CTBP1: variants seen among roughly 807,000 people sequenced by gnomAD.
CTBP1 encodes the protein C-terminal-binding protein 1.
Under a neutral mutation model 42.1 loss-of-function variants are expected in CTBP1, and 11 were observed. The ratio of observed to expected loss-of-function variants is 0.26; its 90% CI spans 0.16 to 0.43. The LOEUF is 0.43. CTBP1 is among the 20% of genes least tolerant of loss of function. The pLI is 1.00. For synonymous variants in CTBP1, 324 were observed against 277.1 expected (o/e 1.17, Z -1.68); for missense variants, 399 against 624.3 (o/e 0.64, Z 3.85).
At chr4:1,228,817 G>GA (rs1560256731) in intron 3 of CTBP1, among the ~76,000 whole-genome samples, 1 of 152,192 alleles carries the variant, frequency 6.6e-6, no homozygotes, top group Non-Finnish European at 1.5e-5. Context: ...GATGCAGGTA[G>GA]AAAGTGGTAA....
rs909530189 is a variant in CTBP1 at position 1,213,410 on chromosome 4, G to A, written c.988+68C>T. On this transcript the variant is annotated intron_variant, in intron 8 of 9. Coordinates refer to ENST00000382952, the MANE Select transcript of CTBP1 (RefSeq NM_001012614.2). ...ATGGGCCTGGCTGCCAGGCGGATGC[G>A]AGCCCATGAGCATCTGGGGCTGGCA... 5.2e-5 allele frequency: 82 copies of A among 1,591,868 alleles called. No homozygotes were observed. In the East Asian group the frequency reaches 1.5e-3, roughly 29 times the overall value.
chr4:1,238,325 G>T lies in CTBP1; in HGVS notation c.20C>A (p.Pro7Gln), dbSNP rs1731790714. The T allele has an allele frequency of 1.9e-6, 3 of 1,573,588 alleles. No homozygotes were observed. The highest frequency in any genetic ancestry group is 1.4e-5 in the African/African-American group (1 of 73,988). MSGVRP[P>Q]IMNGPLHPRP... is the part of the protein sequence containing the mutation. The stretch of plus-strand genomic sequence containing the variant: ...CGGGTGCAGGGGCCCGTTCATGATC[G>T]GAGGTCGGACGCCTGCAAGACAGAG... Residue 7 changes from proline to glutamine, a missense_variant, in exon 3 of 10, where the codon CCG (proline) becomes CAG (glutamine). Physicochemically the swap from Pro to Gln is moderately conservative, Grantham distance 76. Around this residue, in one of 4 missense-constraint regions of CTBP1, gnomAD observed 17 missense variants for 18.7 expected, o/e 0.91. Coordinates refer to ENST00000382952, the MANE Select transcript of CTBP1 (RefSeq NM_001012614.2). This position sits in a 1 kb window ranked among gnomAD's most constrained non-coding sequence, Gnocchi z 5.9.
At chr4:1,216,525 G>T (rs890180578) in intron 5 of CTBP1, 13 of 506,114 alleles carry the variant, frequency 2.6e-5, no homozygotes, top group Non-Finnish European at 4.3e-5. Context: ...GTGTCAAACG[G>T]ACTGGTCAGT....
chr4:1,248,764 C>A, intron 1 of CTBP1, 152 bp downstream of exon 1: 2 of 974,828 alleles, frequency 2.1e-6, no homozygotes, highest in Non-Finnish European at 1.2e-6. Context: ...CGACCGCGGC[C>A]ACGCGCGGAC....
At chr4:1,239,013 T>C (rs1731874741) in intron 2 of CTBP1, among the ~76,000 whole-genome samples, 1 of 152,178 alleles carries the variant, frequency 6.6e-6, no homozygotes, top group East Asian at 1.9e-4. Flanking sequence ...CCCAACCCTC[T>C]GCCTGGCATT....
chr4:1,244,323 A>G, intron 1 of CTBP1: 1 of 978,958 alleles, frequency 1.0e-6, no homozygotes, highest in Non-Finnish European at 1.2e-6. Flanking sequence ...ACCTGCCCCG[A>G]TCCAGACAGC....
chr4:1,218,967 G>A (rs1729446341), intron 5 of CTBP1, among the ~76,000 whole-genome samples: 1 of 152,048 alleles, frequency 6.6e-6, no homozygotes, highest in Non-Finnish European at 1.5e-5. Context: ...CACTCAAGAG[G>A]CAAAGACTGT....
intron 1 of CTBP1, chr4:1,244,442 C>T (rs112869746): frequency 0.014 from 13,418 of 985,158 alleles, 98 homozygotes; most frequent in Non-Finnish European, 0.015. Context: ...AGCCTCAGCA[C>T]CTGGTCCTCA....
intron 1 of CTBP1, 186 bp downstream of exon 1, chr4:1,248,730 A>G (rs963744534): frequency 3.0e-4 from 295 of 979,862 alleles, no homozygotes; most frequent in Non-Finnish European, 3.5e-4. Flanking sequence ...CGCATGCGCA[A>G]GACCCTTCCC....
chr4:1,221,592 T>G (rs1482311108), intron 5 of CTBP1: 1 of 202,108 alleles, frequency 4.9e-6, no homozygotes, highest in Non-Finnish European at 1.0e-5. Flanking sequence ...AAAACACAGG[T>G]GAGACCCAGA....
chr4:1,245,030 C>T, intron 1 of CTBP1: 6 of 985,426 alleles, frequency 6.1e-6, no homozygotes, highest in Non-Finnish European at 7.2e-6. Flanking sequence ...AGCCACTGGG[C>T]TGAGAGCACG....
chr4:1,249,414 C>T (rs1394597610), upstream of CTBP1: 2 of 152,716 alleles, frequency 1.3e-5, no homozygotes, highest in Admixed American at 1.3e-4. Flanking sequence ...CCCGAGGACC[C>T]TGCGGGCCCG....
At chr4:1,241,040 T>G (rs1005286930) in intron 2 of CTBP1, among the ~76,000 whole-genome samples, 6 of 152,170 alleles carry the variant, frequency 3.9e-5, no homozygotes, top group African/African-American at 1.4e-4. Context: ...GGCCTCCACA[T>G]GGAGGCCCTC....
At chr4:1,246,758 A>G (rs568266979) in intron 1 of CTBP1, among the ~76,000 whole-genome samples, 6 of 152,320 alleles carry the variant, frequency 3.9e-5, no homozygotes, top group African/African-American at 1.4e-4. Context: ...GCCACCTCTA[A>G]GCCCCGAGGG....
intron 1 of CTBP1, 78 bp from the exon 2 acceptor site, chr4:1,241,597 C>T (rs1247423503): frequency 6.1e-6 from 9 of 1,471,884 alleles, no homozygotes; most frequent in Admixed American, 4.1e-5. Flanking sequence ...GGGAACGCCT[C>T]AGAAGTGGAC....
chr4:1,241,659 G>A (rs934175186), intron 1 of CTBP1, 140 bp from the exon 2 acceptor site: 60 of 1,314,670 alleles, frequency 4.6e-5, no homozygotes, highest in East Asian at 1.6e-4. Context: ...ACCTGGACTC[G>A]GGGGCCTGCT....
chr4:1,226,619 TC>T (rs554312120), intron 4 of CTBP1, among the ~76,000 whole-genome samples: 3 of 147,328 alleles, frequency 2.0e-5, no homozygotes, highest in East Asian at 4.0e-4. Context: ...CCCCAGACCA[TC>T]CCTGGCTGAA....
upstream of CTBP1, chr4:1,250,351 G>T (rs953080377): frequency 3.5e-6 from 1 of 282,498 alleles, no homozygotes; most frequent in East Asian, 8.2e-5. Flanking sequence ...AACCTGGCAG[G>T]TGTCACCAGA....
intron 3 of CTBP1, 84 bp from the exon 4 acceptor site, chr4:1,228,427 GAAA>G (rs1730613922): frequency 1.3e-6 from 2 of 1,513,608 alleles, no homozygotes; most frequent in South Asian, 2.5e-5. Context: ...CCCCGGCTGG[GAAA>G]TTAGCCTGTG....
Sources: gnomAD v4.1 joint callset for allele counts (sites outside exome capture counted in the v4.1 genomes callset) on GRCh38, gnomAD v4.1.1 for gene constraint, gnomAD v4.1.1 regional missense constraint, Gnocchi (gnomAD v3.1) non-coding constraint, MANE v1.5 for transcripts, NCBI Gene and HGNC (gene_info 2026-07-23, HGNC 2026-07-21) for gene names.